Variants in TTC28 observed in about 807,000 individuals in gnomAD.
TTC28 encodes tetratricopeptide repeat domain 28.
TTC28 carries 61 observed loss-of-function variants against 198.0 expected under a neutral mutation model. That is an observed-to-expected ratio of 0.31 (90% confidence interval 0.25 to 0.38). The LOEUF (loss-of-function observed/expected upper bound fraction) is 0.38, where lower values mean the gene tolerates loss of function less well. Ranked by LOEUF, TTC28 falls within the 10% of genes least tolerant of loss-of-function variation. TTC28 has a pLI of 1.00. For synonymous variants in TTC28, 1,171 were observed against 1,297.8 expected, an observed-to-expected ratio of 0.90 and a Z score of 2.10; for missense variants, 2,678 against 3,164.0, an observed-to-expected ratio of 0.85 and a Z score of 3.69.
At chr22:28,663,357 G>A (rs2051783718) in intron 1 of TTC28, among the ~76,000 whole-genome samples, 1 of 151,512 alleles carries the variant, frequency 6.6e-6, no homozygotes. Context: ...ACAGAAGACG[G>A]GTGATTTCTG....
At chr22:28,034,916 A>C (rs967345729) in intron 12 of TTC28, among the ~76,000 whole-genome samples, 2 of 149,310 alleles carry the variant, frequency 1.3e-5, no homozygotes, top group Non-Finnish European at 2.9e-5. Context: ...AGGCTCCAAA[A>C]TGCTGTTCAT....
intron 2 of TTC28, among the ~76,000 whole-genome samples, chr22:28,599,565 G>T (rs1483654499): frequency 2.6e-5 from 4 of 152,072 alleles, no homozygotes; most frequent in African/African-American, 9.7e-5. Flanking sequence ...GAGGTGGGAG[G>T]ATCCCTTGAG....
At chr22:28,280,372 G>A (rs2044561575) in intron 5 of TTC28, among the ~76,000 whole-genome samples, 1 of 151,934 alleles carries the variant, frequency 6.6e-6, no homozygotes, top group Non-Finnish European at 1.5e-5. Context: ...TGTTGCCCAG[G>A]CTGGAGTGCA....
intron 5 of TTC28, among the ~76,000 whole-genome samples, chr22:28,272,885 A>G (rs1167565439): frequency 1.3e-5 from 2 of 152,216 alleles, no homozygotes; most frequent in Admixed American, 6.5e-5. Flanking sequence ...CCCTCAAGAC[A>G]CTATTTTATA....
intron 12 of TTC28, among the ~76,000 whole-genome samples, chr22:28,054,055 A>C (rs898441755): frequency 1.3e-5 from 2 of 152,194 alleles, no homozygotes; most frequent in Non-Finnish European, 2.9e-5. Context: ...GGAAAATAGA[A>C]TAACAACCCC....
intron 6 of TTC28, among the ~76,000 whole-genome samples, chr22:28,108,766 C>A (rs1386016441): frequency 6.6e-6 from 1 of 152,132 alleles, no homozygotes; most frequent in Non-Finnish European, 1.5e-5. Context: ...AAATGAAGAT[C>A]CCAATTTACT....
rs1275284913 is a variant in TTC28 at position 28,272,583 on chromosome 22, A to AATC, written c.933+23614_933+23615insGAT. ...AAAATATTCATAAAAATCACATAAG[A>AATC]AAACTACTTCCTGTTATGACAGACT... On this transcript the variant is annotated intron_variant, in intron 5 of 22. Transcript: ENST00000397906. 3.3e-5 allele frequency among the ~76,000 whole-genome samples: 5 copies of AATC among 152,214 alleles called. No homozygotes were observed. In the East Asian group the frequency reaches 9.6e-4, roughly 29 times the overall value.
chr22:28,111,579 A>G (rs1342855221), intron 6 of TTC28, among the ~76,000 whole-genome samples: 1 of 150,744 alleles, frequency 6.6e-6, no homozygotes, highest in Non-Finnish European at 1.5e-5. Flanking sequence ...CTCTCTCCTC[A>G]GTTTCTGTAT....
At chr22:28,076,441 C>A (rs1047608670) in intron 12 of TTC28, among the ~76,000 whole-genome samples, 4 of 152,102 alleles carry the variant, frequency 2.6e-5, no homozygotes, top group African/African-American at 9.7e-5. Flanking sequence ...GCTTAAAAAC[C>A]CCTGCTTTTT....
intron 5 of TTC28, among the ~76,000 whole-genome samples, chr22:28,283,698 AG>A (rs1300419068): frequency 2.6e-5 from 4 of 152,170 alleles, no homozygotes; most frequent in Non-Finnish European, 5.9e-5. Context: ...TTCATGTGAA[AG>A]GCATCATCAG....
Position 28,524,274 on chromosome 22 carries a change from G to A in TTC28, c.381+105278C>T, listed in dbSNP as rs190295296. On this transcript the variant is annotated intron_variant, in intron 2 of 22. Coordinates refer to ENST00000397906, the MANE Select transcript of TTC28 (RefSeq NM_001145418.2). ...AGATCGAGACCATCCCGGCTAACAC[G>A]GTGAAACCCTGTCTCTACCAAAAAT... is the stretch of plus-strand genomic sequence containing the variant. Among the ~76,000 whole-genome samples, 503 of 151,482 alleles carry A rather than the reference G, an allele frequency of 3.3e-3. 1 individual carries two copies. Among genetic ancestry groups the A allele is most frequent in the Middle Eastern group, 6.9e-3 (2 of 290 alleles).
At chr22:28,411,174 T>C (rs2047075619) in intron 2 of TTC28, among the ~76,000 whole-genome samples, 2 of 152,224 alleles carry the variant, frequency 1.3e-5, no homozygotes, top group African/African-American at 4.8e-5. Flanking sequence ...CCAGAACGAA[T>C]TCTTCTAATA....
chr22:28,217,025 A>C (rs1441387472), intron 5 of TTC28, among the ~76,000 whole-genome samples: 1 of 152,090 alleles, frequency 6.6e-6, no homozygotes, highest in Non-Finnish European at 1.5e-5. Context: ...TCTTATTTTC[A>C]ATAATAAACA....
intron 1 of TTC28, among the ~76,000 whole-genome samples, chr22:28,678,573 A>G (rs758621349): frequency 6.6e-6 from 1 of 152,234 alleles, no homozygotes; most frequent in African/African-American, 2.4e-5. Context: ...TGCCTAAAAC[A>G]TACTGAAAAC....
At chr22:28,089,169 T>A (rs1370687257) in intron 12 of TTC28, among the ~76,000 whole-genome samples, 2 of 152,176 alleles carry the variant, frequency 1.3e-5, no homozygotes, top group South Asian at 4.1e-4. Flanking sequence ...ACTGAGTATA[T>A]ACCCAAAGGA....
At chr22:28,212,654 A>C (rs1169445188) in intron 5 of TTC28, among the ~76,000 whole-genome samples, 1 of 73,230 alleles carries the variant, frequency 1.4e-5, no homozygotes, top group Non-Finnish European at 2.9e-5. Flanking sequence ...ACCAATCAAA[A>C]AATCTCCAGG....
At chr22:28,344,779 T>C (rs1220481005) in intron 2 of TTC28, among the ~76,000 whole-genome samples, 4 of 152,164 alleles carry the variant, frequency 2.6e-5, no homozygotes, top group Admixed American at 2.6e-4. Context: ...AAGGAGCTCC[T>C]AAGGCTCTGT....
At chr22:27,985,050 C>G (rs1406473107) in intron 22 of TTC28, among the ~76,000 whole-genome samples, 199 bp downstream of exon 22, 1 of 152,256 alleles carries the variant, frequency 6.6e-6, no homozygotes, top group Non-Finnish European at 1.5e-5. Context: ...GTGCCAGCAC[C>G]TCATACATTG....
chr22:28,587,766 C>T (rs1569042676), intron 2 of TTC28, among the ~76,000 whole-genome samples: 1 of 152,036 alleles, frequency 6.6e-6, no homozygotes, highest in Admixed American at 6.6e-5. Flanking sequence ...CTAATTAATA[C>T]ATTCAAAGTC....
Sources: gnomAD v4.1 joint callset for allele counts (sites outside exome capture counted in the v4.1 genomes callset) on GRCh38, gnomAD v4.1.1 for gene constraint, MANE v1.5 for transcripts, NCBI Gene and HGNC (gene_info 2026-07-23, HGNC 2026-07-21) for gene names.